The following LRP1B variants were observed in gnomAD, a reference collection of about 807,000 sequenced individuals.
The protein encoded by LRP1B is low-density lipoprotein receptor-related protein 1B.
LRP1B carries 217 observed loss-of-function variants against 556.6 expected under a neutral mutation model. The ratio of observed to expected loss-of-function variants is 0.39; its 90% confidence interval spans 0.35 to 0.44. The LOEUF (loss-of-function observed/expected upper bound fraction) is 0.44, where lower values mean the gene tolerates loss of function less well. Ranked by LOEUF, LRP1B falls within the 20% of genes least tolerant of loss-of-function variation. The probability of loss-of-function intolerance (pLI) is 1.00; values close to 1 mark genes in which losing one functional copy is unlikely to be tolerated. For synonymous variants in LRP1B, 2,047 were observed against 1,865.8 expected (o/e 1.10, Z -2.50); for missense variants, 5,053 against 5,620.8 (o/e 0.90, Z 3.23).
rs1249115120 is a variant in LRP1B, at chr2:141,122,207, T to C, written c.1014-59934A>G. Among the ~76,000 whole-genome samples the C allele has an allele frequency of 2.6e-5, 4 of 151,976 alleles. No homozygotes were observed. The East Asian group carries it at 7.7e-4, about 29-fold the overall frequency. On this transcript the variant is annotated intron_variant, in intron 7 of 90. Transcript: ENST00000389484. ...TAGGCATGGGCAAGGACTTCATGTC[T>C]AAAACACAAAAAGCAATGGCAACAA...
intron 2 of LRP1B, among the ~76,000 whole-genome samples, chr2:141,628,099 A>AGGACCCTG (rs1384577180): frequency 2.0e-5 from 3 of 152,234 alleles, no homozygotes; most frequent in African/African-American, 7.2e-5. Context: ...ATCACAGAGT[A>AGGACCCTG]GGACCCTGGG....
At chr2:140,886,535 A>G (rs1693640835) in intron 23 of LRP1B, among the ~76,000 whole-genome samples, 200 bp from the exon 24 acceptor site, 1 of 152,086 alleles carries the variant, frequency 6.6e-6, no homozygotes. Flanking sequence ...GGTATTAGGG[A>G]GTTTTTATTC....
chr2:140,253,415 A>G (rs1383683003), intron 86 of LRP1B, among the ~76,000 whole-genome samples: 1 of 152,114 alleles, frequency 6.6e-6, no homozygotes, highest in African/African-American at 2.4e-5. Context: ...TAAAATTAAT[A>G]AAATGGATTA....
intron 7 of LRP1B, among the ~76,000 whole-genome samples, chr2:141,083,705 A>T (rs949866859): frequency 2.6e-5 from 4 of 152,142 alleles, no homozygotes; most frequent in Admixed American, 2.6e-4. Flanking sequence ...CAGGAGTGGG[A>T]CTGGTGACTT....
chr2:140,631,863 C>A (rs1683899149), intron 41 of LRP1B, among the ~76,000 whole-genome samples: 1 of 152,018 alleles, frequency 6.6e-6, no homozygotes, highest in Non-Finnish European at 1.5e-5. Context: ...AAACTGTAGG[C>A]AACCAAATAA....
At chr2:141,605,180 C>A (rs1280516713) in intron 2 of LRP1B, among the ~76,000 whole-genome samples, 2 of 152,138 alleles carry the variant, frequency 1.3e-5, no homozygotes, top group Non-Finnish European at 2.9e-5. Context: ...GGCCCACAAG[C>A]AAATCCAGTC....
At chr2:141,809,684 T>C (rs1234732815) in intron 2 of LRP1B, among the ~76,000 whole-genome samples, 2 of 152,026 alleles carry the variant, frequency 1.3e-5, no homozygotes, top group East Asian at 3.9e-4. Context: ...TACTAAGGGT[T>C]TCTGAATCTG....
intron 63 of LRP1B, 45 bp from the exon 64 acceptor site, chr2:140,444,724 A>C (rs2105305461): frequency 1.2e-5 from 14 of 1,144,190 alleles, no homozygotes; most frequent in Non-Finnish European, 1.8e-5. Context: ...ATCTTACCTC[A>C]CAACTTCTTA....
At position 140,847,958 on chromosome 2, in the gene LRP1B, C is replaced by A. The variant is rs80284593; in HGVS notation, c.4939+2144G>T. On this transcript the variant is annotated intron_variant, in intron 29 of 90. Transcript: ENST00000389484. ...TTGATGATTTTCTCAAAGATAAACT[C>A]ACCAAATTACTACCAGATACCAGTT... 3.4e-3 allele frequency among the ~76,000 whole-genome samples: 512 copies of A among 152,016 alleles called. 4 individuals carry two copies. The highest frequency in any genetic ancestry group is 0.012 in the African/African-American group (494 of 41,456).
At chr2:141,515,524 A>G (rs964398612) in intron 2 of LRP1B, among the ~76,000 whole-genome samples, 1 of 151,148 alleles carries the variant, frequency 6.6e-6, no homozygotes, top group African/African-American at 2.4e-5. Flanking sequence ...TTGTTACTTA[A>G]AATTGCAAAA....
At chr2:141,835,558 A>G (rs919202859) in intron 1 of LRP1B, among the ~76,000 whole-genome samples, 3 of 151,940 alleles carry the variant, frequency 2.0e-5, no homozygotes, top group Non-Finnish European at 4.4e-5. Flanking sequence ...AGAAAGCAAG[A>G]AAAAGATATA....
intron 3 of LRP1B, among the ~76,000 whole-genome samples, chr2:141,288,631 C>T (rs1685817561): frequency 6.6e-6 from 1 of 152,144 alleles, no homozygotes; most frequent in South Asian, 2.1e-4. Flanking sequence ...AACTGATTAT[C>T]TTAAATGATC....
chr2:141,866,708 G>A (rs1332851627), intron 1 of LRP1B, among the ~76,000 whole-genome samples: 1 of 151,762 alleles, frequency 6.6e-6, no homozygotes, highest in African/African-American at 2.4e-5. Flanking sequence ...TAATATATGG[G>A]AAAGAGGTGG....
intron 1 of LRP1B, among the ~76,000 whole-genome samples, chr2:141,938,961 T>C: frequency 6.6e-6 from 1 of 151,928 alleles, no homozygotes; most frequent in East Asian, 1.9e-4. Flanking sequence ...TACACAGAAA[T>C]AGAGTGTTGA....
At chr2:140,675,333 G>A (rs1685634231) in intron 41 of LRP1B, among the ~76,000 whole-genome samples, 5 of 152,294 alleles carry the variant, frequency 3.3e-5, no homozygotes, top group Admixed American at 2.6e-4. Flanking sequence ...ACAGTAGGGT[G>A]CTAATAAATA....
chr2:140,345,381 C>G (rs1384928208), intron 77 of LRP1B, among the ~76,000 whole-genome samples: 2 of 151,674 alleles, frequency 1.3e-5, no homozygotes, highest in East Asian at 3.9e-4. Flanking sequence ...TGATCTCTTC[C>G]TCAAAATACT....
At chr2:142,039,569 A>G (rs1703996421) in intron 1 of LRP1B, among the ~76,000 whole-genome samples, 1 of 151,500 alleles carries the variant, frequency 6.6e-6, no homozygotes, top group Admixed American at 6.6e-5. Context: ...CCCAAACACA[A>G]ACTAAACAGA....
At chr2:141,621,956 A>G (rs1311817906) in intron 2 of LRP1B, among the ~76,000 whole-genome samples, 2 of 152,156 alleles carry the variant, frequency 1.3e-5, no homozygotes, top group Non-Finnish European at 2.9e-5. Flanking sequence ...CAATGGAATC[A>G]TCTCGGCTCA....
At chr2:141,750,426 A>G (rs1405404670) in intron 2 of LRP1B, among the ~76,000 whole-genome samples, 2 of 152,138 alleles carry the variant, frequency 1.3e-5, no homozygotes, top group Non-Finnish European at 1.5e-5. Context: ...TCCAATTTAC[A>G]TAGCTTCTTC....
Sources: gnomAD v4.1 joint callset for allele counts (sites outside exome capture counted in the v4.1 genomes callset) on GRCh38, gnomAD v4.1.1 for gene constraint, MANE v1.5 for transcripts, NCBI Gene and HGNC (gene_info 2026-07-23, HGNC 2026-07-21) for gene names.